ANKMY1: variants seen among roughly 807,000 people sequenced by gnomAD.
The protein encoded by ANKMY1 is ankyrin repeat and MYND domain-containing protein 1.
ANKMY1 carries 98 observed loss-of-function variants against 102.0 expected under a neutral mutation model. The ratio of observed to expected loss-of-function variants is 0.96; its 90% CI spans 0.82 to 1.14. The LOEUF (loss-of-function observed/expected upper bound fraction) is 1.14, where lower values mean the gene tolerates loss of function less well. Ranked by LOEUF, ANKMY1 falls within the 50% of genes most tolerant of loss-of-function variation. ANKMY1 has a pLI of 0.00. For synonymous variants in ANKMY1, 582 were observed against 559.9 expected (o/e 1.04, Z -0.56); for missense variants, 1,330 against 1,347.6 (o/e 0.99, Z 0.20).
rs1232357055 is a variant in ANKMY1, at chr2:240,507,699, T to A, written c.2395-8A>T. ...CAGGAGCTCCTTCACAACCTGAACA[T>A]ACACAGACAGTCTCATCAGTGGCCA... On this transcript the variant is annotated splice_polypyrimidine_tract_variant and splice_region_variant and intron_variant, in intron 12 of 17. Coordinates refer to ENST00000401804, the MANE Select transcript of ANKMY1 (RefSeq NM_001282771.3). 4 of 1,597,116 alleles carry A rather than the reference T, an allele frequency of 2.5e-6. No homozygotes were observed. The East Asian group carries it at 6.8e-5, about 27-fold the overall frequency.
chr2:240,525,981 G>T, intron 6 of ANKMY1, 132 bp from the exon 7 acceptor site: 1 of 1,220,062 alleles, frequency 8.2e-7, no homozygotes, highest in Non-Finnish European at 1.2e-6. Flanking sequence ...TCGGGAGCTT[G>T]GCAAAGGGAC....
intron 4 of ANKMY1, among the ~76,000 whole-genome samples, chr2:240,533,080 T>A (rs966087997): frequency 2.0e-5 from 3 of 152,250 alleles, no homozygotes; most frequent in African/African-American, 7.2e-5. Context: ...TAAAAAATAG[T>A]CTAAGTTTCA....
intron 9 of ANKMY1, among the ~76,000 whole-genome samples, chr2:240,518,538 T>C (rs963508340): frequency 2.6e-5 from 4 of 152,240 alleles, no homozygotes; most frequent in African/African-American, 9.6e-5. Flanking sequence ...GTACCTGTCA[T>C]CTCACTGATT....
intron 9 of ANKMY1, chr2:240,519,852 C>T (rs925917091): frequency 4.0e-6 from 1 of 251,322 alleles, no homozygotes; most frequent in African/African-American, 2.3e-5. Flanking sequence ...GGGAAGAAGC[C>T]GTCCGCTGGG....
chr2:240,543,838 G>T (rs2089634359), intron 4 of ANKMY1, among the ~76,000 whole-genome samples: 1 of 152,064 alleles, frequency 6.6e-6, no homozygotes, highest in Non-Finnish European at 1.5e-5. Flanking sequence ...TGAAGAAAAG[G>T]TTATGATATG....
chr2:240,470,643 C>T, the ANKMY1 span, among the ~76,000 whole-genome samples: 6 of 152,118 alleles, frequency 3.9e-5, no homozygotes, highest in African/African-American at 9.7e-5. Flanking sequence ...TCATAGGAGA[C>T]GTCAAAATAT....
chr2:240,549,196 T>A (rs1490962510), intron 4 of ANKMY1, among the ~76,000 whole-genome samples: 3 of 151,420 alleles, frequency 2.0e-5, no homozygotes, highest in Non-Finnish European at 4.4e-5. Context: ...AACAGAGCCC[T>A]CAGAAATAAC....
intron 4 of ANKMY1, among the ~76,000 whole-genome samples, chr2:240,540,037 G>T (rs952896570): frequency 6.6e-6 from 1 of 152,180 alleles, no homozygotes; most frequent in African/African-American, 2.4e-5. Context: ...GCCATGCATG[G>T]CAAGGCCACA....
At chr2:240,491,851 C>A (rs1002434731) in intron 15 of ANKMY1, among the ~76,000 whole-genome samples, 3 of 152,162 alleles carry the variant, frequency 2.0e-5, no homozygotes, top group African/African-American at 7.2e-5. Flanking sequence ...TTCTCTTTGA[C>A]TTTAGACAGT....
chr2:240,492,428 CT>C (rs2076757080), intron 15 of ANKMY1, among the ~76,000 whole-genome samples: 1 of 151,884 alleles, frequency 6.6e-6, no homozygotes, highest in South Asian at 2.1e-4. Context: ...TTTTCTTTAC[CT>C]TTGTCTGATT....
Position 240,557,964 on chromosome 2 carries a change from G to A in ANKMY1, c.-101C>T. ...CCGCGGACGCCCGCGCTCCCGTCCC[G>A]ACTGCTTGCCAGCCCTGCGCCTACG... is the stretch of plus-strand genomic sequence containing the variant. On this transcript the variant is annotated 5_prime_UTR_variant, in exon 1 of 18. Transcript: ENST00000401804. 2.0e-6 allele frequency: 2 copies of A among 985,636 alleles called. No homozygotes were observed. The highest frequency in any genetic ancestry group is 2.4e-6 in the Non-Finnish European group (2 of 830,084). The allele number at this position is 985,636 out of a possible 1,614,324, so 61.1% of individuals were successfully genotyped here.
chr2:240,499,851 GCC>G lies in ANKMY1; in HGVS notation c.2806+105_2806+106del. On this transcript the variant is annotated intron_variant, in intron 15 of 17. Coordinates refer to ENST00000401804, the MANE Select transcript of ANKMY1 (RefSeq NM_001282771.3). The surrounding 1 kb of genome is among the most constrained non-coding windows in gnomAD (Gnocchi z 4.2). ...AGCCGACGAGCCCAGCCCCAGGAAG[GCC>G]CCTCCAAGAGCCCCAGGGGGTCCAG... The G allele has an allele frequency of 7.3e-7, 1 of 1,373,952 alleles. No individual in the cohort carries two copies. Among genetic ancestry groups the G allele is most frequent in the South Asian group, 1.5e-5 (1 of 64,866 alleles). The allele number at this position is 1,373,952 out of a possible 1,614,324, so 85.1% of individuals were successfully genotyped here.
chr2:240,525,830 A>C lies in ANKMY1; in HGVS notation c.1190T>G (p.Ile397Ser), dbSNP rs538654176. Residue 397 changes from isoleucine (I) to serine (S), a missense_variant, in exon 7 of 18, where the codon ATT (isoleucine) becomes AGT (serine). Ile to Ser is a moderately radical substitution (Grantham distance 142, BLOSUM62 -2). Coordinates refer to ENST00000401804, the MANE Select transcript of ANKMY1 (RefSeq NM_001282771.3). ...AAAATHCHND[I>S]VNLLLDCGAD... Reference sequence around the variant, plus strand: ...CCCACAGTCCAGGAGAAGGTTGACAATGTCGTTGTGGCAGTGAGTCTGGAG... The same window carrying C: ...CCCACAGTCCAGGAGAAGGTTGACACTGTCGTTGTGGCAGTGAGTCTGGAG... The C allele has an allele frequency of 1.2e-6, 2 of 1,614,046 alleles. No individual in the cohort carries two copies. The highest frequency in any genetic ancestry group is 4.5e-5 in the East Asian group (2 of 44,876).
downstream of ANKMY1, among the ~76,000 whole-genome samples, chr2:240,476,657 A>T (rs1415006282): frequency 6.6e-6 from 1 of 152,232 alleles, no homozygotes; most frequent in African/African-American, 2.4e-5. Context: ...CACCAGGGAA[A>T]AGAAATGGAT....
At chr2:240,471,362 G>A in the ANKMY1 span, among the ~76,000 whole-genome samples, 2 of 151,016 alleles carry the variant, frequency 1.3e-5, no homozygotes, top group African/African-American at 4.9e-5. Context: ...GGGTTCAAGC[G>A]ATTCTCCTGC....
intron 15 of ANKMY1, among the ~76,000 whole-genome samples, chr2:240,482,831 T>C (rs1559225389): frequency 6.6e-6 from 1 of 152,230 alleles, no homozygotes; most frequent in Non-Finnish European, 1.5e-5. Flanking sequence ...TGGTTCAACT[T>C]CCTGTTCCTT....
intron 9 of ANKMY1, among the ~76,000 whole-genome samples, chr2:240,515,915 A>G (rs891664658): frequency 1.5e-4 from 22 of 151,302 alleles, no homozygotes; most frequent in Middle Eastern, 3.4e-3. Flanking sequence ...TAGTAGAGAC[A>G]GGGTTTCACC....
At chr2:240,511,671 T>C (rs1034108201) in intron 11 of ANKMY1, among the ~76,000 whole-genome samples, 190 bp downstream of exon 11, 2 of 152,230 alleles carry the variant, frequency 1.3e-5, no homozygotes, top group African/African-American at 4.8e-5. Flanking sequence ...TGCGCAGGCG[T>C]GCGTGTGTGC....
chr2:240,470,884 AAAAC>A, the ANKMY1 span, among the ~76,000 whole-genome samples: 368 of 152,334 alleles, frequency 2.4e-3, 3 homozygotes, highest in Middle Eastern at 0.014. Flanking sequence ...GCTGAAAAGA[AAAAC>A]AAAGTGAGAG....
Sources: allele counts gnomAD v4.1 joint callset (sites outside exome capture counted in the v4.1 genomes callset), GRCh38; gene constraint gnomAD v4.1.1; non-coding constraint Gnocchi (gnomAD v3.1); transcripts MANE v1.5; gene names NCBI Gene and HGNC (gene_info 2026-07-23, HGNC 2026-07-21).